Variants in THADA observed in about 807,000 individuals in gnomAD.
The protein encoded by THADA is THADA armadillo repeat containing, also known as tRNA (32-2'-O)-methyltransferase regulator THADA.
THADA carries 213 observed loss-of-function variants against 219.8 expected under a neutral mutation model. The ratio of observed to expected loss-of-function variants is 0.97; its 90% CI spans 0.87 to 1.09. THADA has a LOEUF of 1.09. Ranked by LOEUF, THADA falls within the 50% of genes least tolerant of loss-of-function variation. The pLI is 0.00. For missense variants in THADA, 2,956 were observed against 2,311.3 expected (o/e 1.28, Z -5.72); for synonymous variants, 1,018 against 828.9 (o/e 1.23, Z -3.92).
Position 43,505,670 on chromosome 2 carries a change from T to C in THADA, c.3573A>G (p.Leu1191=). Reference sequence around the variant, plus strand: ...CATCTGTAGGCCCAGCCAAAGAGATTAACTCTTTCATTGTTATTTTCAACA... The same window carrying C: ...CATCTGTAGGCCCAGCCAAAGAGATCAACTCTTTCATTGTTATTTTCAACA... The part of the protein sequence containing the change: ...MDLLKITMKE[L]ISLAGPTDDI... The change falls in exon 24 of 38, where the codon TTA becomes TTG. Residue 1191 remains leucine, a synonymous_variant. Coordinates refer to ENST00000405975, the MANE Select transcript of THADA (RefSeq NM_022065.5). The C allele has an allele frequency of 6.3e-7, 1 of 1,597,668 alleles. No homozygotes were observed. The highest frequency in any genetic ancestry group is 1.1e-5 in the South Asian group (1 of 88,086).
chr2:43,576,557 C>T (rs1307234287), intron 10 of THADA, among the ~76,000 whole-genome samples: 2 of 152,264 alleles, frequency 1.3e-5, no homozygotes, highest in African/African-American at 4.8e-5. Flanking sequence ...AAACACTATA[C>T]ATATAAAAAT....
Position 43,508,807 on chromosome 2 carries a change from C to T in THADA, c.3375-27G>A, listed in dbSNP as rs548820422. 76 of 1,608,232 alleles carry T rather than the reference C, an allele frequency of 4.7e-5. No individual in the cohort carries two copies. In the East Asian group the frequency reaches 1.3e-3, roughly 27 times the overall value. On this transcript the variant is annotated intron_variant, in intron 22 of 37. Coordinates refer to ENST00000405975, the MANE Select transcript of THADA (RefSeq NM_022065.5). The stretch of plus-strand genomic sequence containing the variant: ...TAAAAGGCATATATAATCAAATATT[C>T]GGAATTAGGTATCAAAGTTAAAAGT...
chr2:43,486,316 C>G (rs1042595646), intron 25 of THADA: 1 of 152,138 alleles, frequency 6.6e-6, no homozygotes, highest in African/African-American at 2.4e-5. Context: ...TTTTCCCTAT[C>G]TTTTCCAAAC....
At chr2:43,501,306 C>CAAAAAAAAAAAAAAAAAAAA (rs1558864377) in intron 24 of THADA, among the ~76,000 whole-genome samples, 1 of 12,276 alleles carries the variant, frequency 8.1e-5, no homozygotes, top group African/African-American at 2.7e-4. Flanking sequence ...AACTCCAACT[C>CAAAAAAAAAAAAAAAAAAAA]CAAAAAAAAA....
At chr2:43,494,097 G>C (rs956777019) in intron 25 of THADA, among the ~76,000 whole-genome samples, 2 of 152,182 alleles carry the variant, frequency 1.3e-5, no homozygotes, top group Non-Finnish European at 2.9e-5. Context: ...CTGGACATGC[G>C]ATCTGGCTTC....
At chr2:43,367,066 G>C (rs956536929) in intron 29 of THADA, among the ~76,000 whole-genome samples, 13 of 152,172 alleles carry the variant, frequency 8.5e-5, no homozygotes, top group African/African-American at 3.1e-4. Flanking sequence ...ATAATACAAA[G>C]TGAAGCTAGT....
rs1172228451 is a variant in THADA, at chr2:43,477,048, T to C, written c.3836+8186A>G. ...TCTGACAATGTGGGATAATTTACAG[T>C]GTATTTAGCTGTAACTAAAACTAAT... is the stretch of plus-strand genomic sequence containing the variant. On this transcript the variant is annotated intron_variant, in intron 26 of 37. Coordinates refer to ENST00000405975, the MANE Select transcript of THADA (RefSeq NM_022065.5). Among the ~76,000 whole-genome samples, 4 of 152,224 alleles carry C rather than the reference T, an allele frequency of 2.6e-5. No individual in the cohort carries two copies. The East Asian group carries it at 7.7e-4, about 29-fold the overall frequency.
rs551114546 is a variant in THADA at position 43,496,014 on chromosome 2, C to T, written c.3744+2819G>A. 3.3e-4 allele frequency among the ~76,000 whole-genome samples: 50 copies of T among 152,322 alleles called. 1 individual carries two copies. In the South Asian group the frequency reaches 1.0e-2, roughly 30 times the overall value. On this transcript the variant is annotated intron_variant, in intron 25 of 37. Transcript: ENST00000405975. Reference sequence around the variant, plus strand: ...GGCAACCTCAAAGGATTCCTCTTCACAATGGGAGTCTGTGCCTTTGGCTTT... The same window carrying T: ...GGCAACCTCAAAGGATTCCTCTTCATAATGGGAGTCTGTGCCTTTGGCTTT...
chr2:43,293,770 C>A (rs565825755), intron 31 of THADA, among the ~76,000 whole-genome samples: 1 of 152,188 alleles, frequency 6.6e-6, no homozygotes, highest in Non-Finnish European at 1.5e-5. Flanking sequence ...ATTCTTGTGT[C>A]CCCTCTGTCT....
At chr2:43,489,548 C>T (rs1405218874) in intron 25 of THADA, among the ~76,000 whole-genome samples, 1 of 152,028 alleles carries the variant, frequency 6.6e-6, no homozygotes. Context: ...CATTTTGAGT[C>T]ATCTGAATAT....
chr2:43,499,762 T>TAC (rs930294560), intron 24 of THADA, among the ~76,000 whole-genome samples: 20 of 152,184 alleles, frequency 1.3e-4, no homozygotes, highest in Admixed American at 3.9e-4. Flanking sequence ...AGACGCTACC[T>TAC]ACATATCAAT....
At chr2:43,287,083 A>T in intron 34 of THADA, 22 bp from the exon 35 acceptor site, 1 of 1,598,860 alleles carries the variant, frequency 6.3e-7, no homozygotes, top group Non-Finnish European at 8.5e-7. Context: ...AAATGTACCT[A>T]TCAGTAGTTC....
At chr2:43,291,888 T>C in intron 33 of THADA, 120 bp from the exon 34 acceptor site, 1 of 964,322 alleles carries the variant, frequency 1.0e-6, no homozygotes, top group Non-Finnish European at 1.5e-6. Context: ...CTCTACCTCC[T>C]GGTTACAAAA....
intron 36 of THADA, among the ~76,000 whole-genome samples, chr2:43,273,144 G>A (rs188131978): frequency 6.6e-6 from 1 of 151,970 alleles, no homozygotes; most frequent in Non-Finnish European, 1.5e-5. Context: ...AGCTACTCAG[G>A]AGGCTGAGGC....
At chr2:43,349,115 A>G (rs537548990) in intron 29 of THADA, among the ~76,000 whole-genome samples, 6 of 152,190 alleles carry the variant, frequency 3.9e-5, no homozygotes, top group Non-Finnish European at 7.3e-5. Flanking sequence ...GGAACTGCCA[A>G]GAGATGGGAC....
chr2:43,489,668 T>G (rs1687367300), intron 25 of THADA, among the ~76,000 whole-genome samples: 1 of 152,130 alleles, frequency 6.6e-6, no homozygotes, highest in Admixed American at 6.6e-5. Context: ...GCACCTTTAT[T>G]AAATGTGGGG....
At chr2:43,587,069 A>C in intron 4 of THADA, 67 bp from the exon 5 acceptor site, 1 of 1,476,502 alleles carries the variant, frequency 6.8e-7, no homozygotes, top group Non-Finnish European at 9.3e-7. Context: ...GAGAGGGAAG[A>C]GAATCATACA....
intron 29 of THADA, among the ~76,000 whole-genome samples, chr2:43,396,944 A>G (rs1674127711): frequency 1.3e-5 from 2 of 152,354 alleles, no homozygotes; most frequent in South Asian, 4.1e-4. Context: ...TAATAACAAT[A>G]ATGACTGTCT....
At chr2:43,360,450 C>A (rs1669376618) in intron 29 of THADA, among the ~76,000 whole-genome samples, 1 of 152,192 alleles carries the variant, frequency 6.6e-6, no homozygotes, top group Non-Finnish European at 1.5e-5. Context: ...ACTACAGGTC[C>A]TCAAGACTGG....
Sources: allele counts gnomAD v4.1 joint callset (sites outside exome capture counted in the v4.1 genomes callset), GRCh38; gene constraint gnomAD v4.1.1; transcripts MANE v1.5; gene names NCBI Gene and HGNC (gene_info 2026-07-23, HGNC 2026-07-21).